SP1: variants seen among roughly 807,000 people sequenced by gnomAD.
SP1 encodes Sp1 transcription factor, also known as transcription factor Sp1.
Under a neutral mutation model 66.3 loss-of-function variants are expected in SP1, and 6 were observed. The ratio of observed to expected loss-of-function variants is 0.09; its 90% CI spans 0.05 to 0.18. The LOEUF (loss-of-function observed/expected upper bound fraction) is 0.18. SP1 is among the 10% of genes least tolerant of loss of function. SP1 has a pLI of 1.00. For synonymous variants in SP1, 417 were observed against 360.8 expected, an observed-to-expected ratio of 1.16 and a Z score of -1.77; for missense variants, 848 against 964.5, an observed-to-expected ratio of 0.88 and a Z score of 1.60.
rs1938971195 is a variant in SP1, at chr12:53,415,188, T to C, written c.*3948T>C. On this transcript the variant is annotated 3_prime_UTR_variant, in exon 6 of 6. Transcript: ENST00000327443. ...GATAAAATATGAGCCGGTTATTACTTCTGTTTGGGAGACTGTGCTCTCTGT... is the reference window on the plus strand; with the variant it reads ...GATAAAATATGAGCCGGTTATTACTCCTGTTTGGGAGACTGTGCTCTCTGT... 1 of 152,436 alleles carries C rather than the reference T, an allele frequency of 6.6e-6. No homozygotes were observed. Among genetic ancestry groups the C allele is most frequent in the South Asian group, 2.1e-4 (1 of 4,808 alleles). 9.4% of individuals were successfully genotyped at this position (152,436 alleles called of 1,614,324 possible). A position where few individuals can be genotyped will look rare whatever the true frequency, so the allele number is the denominator to read the frequency against.
intron 3 of SP1, among the ~76,000 whole-genome samples, chr12:53,385,912 CAA>C (rs201937295): frequency 6.9e-5 from 7 of 101,956 alleles, no homozygotes; most frequent in Admixed American, 3.0e-4. Flanking sequence ...GACTCCGTCT[CAA>C]AAAAAAAAAA....
chr12:53,381,101 C>T (rs946713150), intron 1 of SP1, among the ~76,000 whole-genome samples: 1 of 151,454 alleles, frequency 6.6e-6, no homozygotes, highest in South Asian at 2.1e-4. Context: ...TACAGGCATG[C>T]GCCACCACAC....
chr12:53,410,906 A>T (rs1371586007), intron 5 of SP1, 21 bp from the exon 6 acceptor site: 1 of 1,588,388 alleles, frequency 6.3e-7, no homozygotes, highest in Non-Finnish European at 8.6e-7. Context: ...TCAGCTTCTT[A>T]TCTTTTCTTC....
chr12:53,391,180 T>C (rs1418540971), intron 3 of SP1, among the ~76,000 whole-genome samples: 1 of 152,116 alleles, frequency 6.6e-6, no homozygotes, highest in Non-Finnish European at 1.5e-5. Context: ...AATAGTATTA[T>C]TATCCTTTTC....
At chr12:53,388,236 C>T (rs747787670) in intron 3 of SP1, among the ~76,000 whole-genome samples, 4 of 152,128 alleles carry the variant, frequency 2.6e-5, no homozygotes, top group African/African-American at 7.2e-5. Context: ...TTCTTCAGAG[C>T]AAACTGTGGG....
intron 3 of SP1, among the ~76,000 whole-genome samples, chr12:53,399,420 G>A (rs1053795814): frequency 6.7e-6 from 1 of 149,238 alleles, no homozygotes; most frequent in Non-Finnish European, 1.5e-5. Flanking sequence ...TGCAAGCTCC[G>A]CCTCGCGAGT....
intron 3 of SP1, among the ~76,000 whole-genome samples, chr12:53,399,794 G>C (rs1367212933): frequency 6.6e-6 from 1 of 151,640 alleles, no homozygotes; most frequent in Non-Finnish European, 1.5e-5. Flanking sequence ...ACCACACCCG[G>C]CTAATTTTGT....
intron 4 of SP1, among the ~76,000 whole-genome samples, chr12:53,407,828 G>A (rs1482307739): frequency 1.3e-5 from 2 of 150,588 alleles, no homozygotes; most frequent in African/African-American, 4.9e-5. Context: ...AGTAGAGACG[G>A]GGTTTCACCG....
intron 3 of SP1, among the ~76,000 whole-genome samples, chr12:53,388,373 C>T (rs1320340845): frequency 6.6e-6 from 1 of 152,090 alleles, no homozygotes; most frequent in Non-Finnish European, 1.5e-5. Flanking sequence ...TTTAATATGT[C>T]ATAGACTAGG....
rs1438937108 is a variant in SP1 at position 53,415,556 on chromosome 12, C to G, written c.*4316C>G. 1 of 152,190 alleles carries G rather than the reference C, an allele frequency of 6.6e-6. No individual in the cohort carries two copies. Among genetic ancestry groups the G allele is most frequent in the East Asian group, 1.9e-4 (1 of 5,166 alleles). The allele number at this position is 152,190 out of a possible 1,614,324, so 9.4% of individuals were successfully genotyped here. On this transcript the variant is annotated 3_prime_UTR_variant, in exon 6 of 6. Coordinates refer to ENST00000327443, the MANE Select transcript of SP1 (RefSeq NM_138473.3). ...TCCCCTTCCTCATTATCAAACAGCCCCAGTCTTCCTTGTCTCTGCTAAGAA... is the reference window on the plus strand; with the variant it reads ...TCCCCTTCCTCATTATCAAACAGCCGCAGTCTTCCTTGTCTCTGCTAAGAA...
chr12:53,391,346 CTTT>C (rs71068117), intron 3 of SP1, among the ~76,000 whole-genome samples: 3 of 97,456 alleles, frequency 3.1e-5, no homozygotes, highest in African/African-American at 3.9e-5. Context: ...TAAGTAATGT[CTTT>C]TTTTTTTTTT....
chr12:53,405,125 A>G (rs1938703837), intron 3 of SP1, among the ~76,000 whole-genome samples: 1 of 151,968 alleles, frequency 6.6e-6, no homozygotes, highest in South Asian at 2.1e-4. Context: ...CTGGGATTAC[A>G]GGCGTGAGCT....
chr12:53,408,200 C>T (rs1421897648), intron 4 of SP1, among the ~76,000 whole-genome samples: 13 of 133,856 alleles, frequency 9.7e-5, no homozygotes, highest in African/African-American at 2.4e-4. Context: ...GAACCGAGAT[C>T]GTGCCGTTAC....
At position 53,382,291 on chromosome 12, in the gene SP1, G is replaced by A. The variant is rs751314910; in HGVS notation, c.344G>A (p.Gly115Glu). 1 of 1,614,068 alleles carries A rather than the reference G, an allele frequency of 6.2e-7. No homozygotes were observed. The highest frequency in any genetic ancestry group is 1.1e-5 in the South Asian group (1 of 91,086). The change falls in exon 3 of 6, where the codon GGG becomes GAG. Residue 115 changes from glycine to glutamate, a missense_variant. Gly to Glu is a moderately conservative substitution (Grantham distance 98). Around this residue, in one of 7 missense-constraint regions of SP1, gnomAD observed 606 missense variants for 589.9 expected, o/e 1.03. Transcript: ENST00000327443. ...TGGCAGATCATCTCTTCCTCCTCTG[G>A]GGCTACCCCTACCTCAAAGGAACAG... Reference protein sequence around the residue: ...NGWQIISSSSGATPTSKEQSG... With the variant: ...NGWQIISSSSEATPTSKEQSG...
At chr12:53,388,563 G>A (rs1938278854) in intron 3 of SP1, among the ~76,000 whole-genome samples, 1 of 152,104 alleles carries the variant, frequency 6.6e-6, no homozygotes, top group Non-Finnish European at 1.5e-5. Flanking sequence ...TCTCCTTTCT[G>A]GCTAGTAATA....
rs2136923267 is a variant in SP1, at chr12:53,412,956, GTGTGTGTGTGTA to G, written c.*1717_*1728del. Reference sequence around the variant, plus strand: ...TGTGTGTGTGTGTGTGTGTGTGTGTGTGTGTGTGTGTAATCTGTTAGGTTGGGGATAGGTTTT... The same window carrying G: ...TGTGTGTGTGTGTGTGTGTGTGTGTGATCTGTTAGGTTGGGGATAGGTTTT... On this transcript the variant is annotated 3_prime_UTR_variant, in exon 6 of 6. Transcript: ENST00000327443. 1 of 152,310 alleles carries G rather than the reference GTGTGTGTGTGTA, an allele frequency of 6.6e-6. No individual in the cohort carries two copies. The highest frequency in any genetic ancestry group is 2.4e-5 in the African/African-American group (1 of 41,284). The allele number at this position is 152,310 out of a possible 1,614,324, so 9.4% of individuals were successfully genotyped here. A position where few individuals can be genotyped will look rare whatever the true frequency, so the allele number is the denominator to read the frequency against.
chr12:53,406,827 A>G (rs1938750186), intron 4 of SP1, 74 bp downstream of exon 4: 8 of 1,329,362 alleles, frequency 6.0e-6, no homozygotes, highest in Admixed American at 2.6e-5. Context: ...GAAGAAGATT[A>G]ATTTTTTTTT....
intron 3 of SP1, among the ~76,000 whole-genome samples, chr12:53,394,257 G>A (rs1315686657): frequency 6.6e-6 from 1 of 151,730 alleles, no homozygotes; most frequent in Non-Finnish European, 1.5e-5. Context: ...TTCTTTGACT[G>A]GTTTCTTGCA....
At chr12:53,408,648 T>C (rs1347558401) in intron 4 of SP1, among the ~76,000 whole-genome samples, 2 of 151,090 alleles carry the variant, frequency 1.3e-5, no homozygotes, top group Non-Finnish European at 3.0e-5. Context: ...GGCTCACGCC[T>C]GTAATCCCAG....
Sources: allele counts gnomAD v4.1 joint callset (sites outside exome capture counted in the v4.1 genomes callset), GRCh38; gene constraint gnomAD v4.1.1; regional missense constraint gnomAD v4.1.1; transcripts MANE v1.5; gene names NCBI Gene and HGNC (gene_info 2026-07-23, HGNC 2026-07-21).